DIMT1: variants seen among roughly 807,000 people sequenced by gnomAD.
DIMT1 encodes dimethyladenosine transferase.
A neutral mutation model predicts 43.2 loss-of-function variants in DIMT1; 36 were observed. The observed-to-expected ratio is 0.83, with a 90% confidence interval of 0.64 to 1.10. The LOEUF is 1.10. DIMT1 is among the 50% of genes least tolerant of loss of function. DIMT1 has a pLI of 0.00. For synonymous variants in DIMT1, 126 were observed against 130.3 expected, an observed-to-expected ratio of 0.97 and a Z score of 0.22; for missense variants, 341 against 385.3, an observed-to-expected ratio of 0.88 and a Z score of 0.96.
rs1742129441 is a variant in DIMT1 at position 62,388,246 on chromosome 5, C to G, written c.*764G>C. 1 of 152,162 alleles carries G rather than the reference C, an allele frequency of 6.6e-6. No individual in the cohort carries two copies. Among genetic ancestry groups the G allele is most frequent in the African/African-American group, 2.4e-5 (1 of 41,444 alleles). The allele number at this position is 152,162 out of a possible 1,614,324, so 9.4% of individuals were successfully genotyped here. ...CTGAAGTTGAAACCAGTTTCAATTA[C>G]AAAACCCTCTGAAATTTTGCTAAGC... On this transcript the variant is annotated 3_prime_UTR_variant, in exon 12 of 12. Coordinates refer to ENST00000199320, the MANE Select transcript of DIMT1 (RefSeq NM_014473.4).
chr5:62,403,187 C>A, intron 2 of DIMT1, 86 bp downstream of exon 2: 8 of 1,190,484 alleles, frequency 6.7e-6, no homozygotes, highest in East Asian at 2.4e-5. Flanking sequence ...ATCTAATTTA[C>A]GGCAGGCAGA....
intron 7 of DIMT1, 56 bp from the exon 8 acceptor site, chr5:62,394,103 C>T: frequency 6.7e-7 from 1 of 1,488,710 alleles, no homozygotes; most frequent in African/African-American, 1.4e-5. Flanking sequence ...TATTTAGTAA[C>T]CAGATATGCT....
chr5:62,398,949 C>T, intron 3 of DIMT1, 68 bp from the exon 4 acceptor site: 1 of 1,206,310 alleles, frequency 8.3e-7, no homozygotes. Context: ...GTTATCCCAA[C>T]AGGAACTCTT....
intron 8 of DIMT1, 134 bp downstream of exon 8, chr5:62,393,821 G>C (rs772664619): frequency 1.5e-6 from 1 of 688,644 alleles, no homozygotes; most frequent in Non-Finnish European, 2.3e-6. Context: ...TTCAGCACAG[G>C]GATGTGTCCT....
intron 11 of DIMT1, 24 bp downstream of exon 11, chr5:62,390,852 T>G (rs1355565475): frequency 1.3e-6 from 2 of 1,593,970 alleles, no homozygotes; most frequent in East Asian, 2.2e-5. Context: ...ATGTAAACAC[T>G]TAGGAAAACA....
At chr5:62,393,594 C>T (rs1742378020) in intron 8 of DIMT1, among the ~76,000 whole-genome samples, 1 of 152,194 alleles carries the variant, frequency 6.6e-6, no homozygotes, top group African/African-American at 2.4e-5. Context: ...ACGTTTTTCT[C>T]TAATGTGGCT....
rs779419881 is a variant in DIMT1 at position 62,403,272 on chromosome 5, C to A, written c.153+1G>T. 2 of 1,613,382 alleles carry A rather than the reference C, an allele frequency of 1.2e-6. No individual in the cohort carries two copies. Among genetic ancestry groups the A allele is most frequent in the East Asian group, 4.5e-5 (2 of 44,884 alleles). Reference sequence around the variant, plus strand: ...CTCTCCCTTTCCTCTTCCACACCCACCTTATCGATAATGCTGTTAATAATG... The same window carrying A: ...CTCTCCCTTTCCTCTTCCACACCCAACTTATCGATAATGCTGTTAATAATG... On this transcript the variant is annotated splice_donor_variant, in intron 2 of 11. Transcript: ENST00000199320. LOFTEE classifies it high-confidence loss of function.
chr5:62,402,025 C>T lies in DIMT1; in HGVS notation c.240+11G>A. 6.2e-7 allele frequency: 1 copy of T among 1,612,164 alleles called. No homozygotes were observed. The highest frequency in any genetic ancestry group is 2.2e-5 in the East Asian group (1 of 44,836). ...TCATTTGTGATACCAAACATTAAAT[C>T]CCCTTTCTACCTTTTTTGCCTTTTC... On this transcript the variant is annotated intron_variant, in intron 3 of 11. Coordinates refer to ENST00000199320, the MANE Select transcript of DIMT1 (RefSeq NM_014473.4).
chr5:62,403,472 C>T (rs1167138672), intron 1 of DIMT1, 126 bp from the exon 2 acceptor site: 1 of 1,018,230 alleles, frequency 9.8e-7, no homozygotes, highest in East Asian at 2.5e-5. Context: ...AACGTCACGC[C>T]AGGACTGACA....
intron 6 of DIMT1, among the ~76,000 whole-genome samples, chr5:62,397,607 T>C (rs1242947235): frequency 6.6e-6 from 1 of 152,184 alleles, no homozygotes; most frequent in African/African-American, 2.4e-5. Context: ...AAATGAGTTA[T>C]CCATTAGTAA....
chr5:62,394,463 A>C, intron 7 of DIMT1, 21 bp downstream of exon 7: 1 of 1,613,156 alleles, frequency 6.2e-7, no homozygotes, highest in Non-Finnish European at 8.5e-7. Flanking sequence ...AAAAAAGAGA[A>C]AGAAAACAAA....
Position 62,387,663 on chromosome 5 carries a change from C to T in DIMT1, c.*1347G>A, listed in dbSNP as rs1010472194. 2.0e-5 allele frequency: 3 copies of T among 151,968 alleles called. No individual in the cohort carries two copies. Among genetic ancestry groups the T allele is most frequent in the South Asian group, 2.1e-4 (1 of 4,820 alleles). The allele number at this position is 151,968 out of a possible 1,614,324, so 9.4% of individuals were successfully genotyped here. On this transcript the variant is annotated 3_prime_UTR_variant, in exon 12 of 12. Coordinates refer to ENST00000199320, the MANE Select transcript of DIMT1 (RefSeq NM_014473.4). ...GTAGAGGGAAATAACCTGAGAAAGC[C>T]GAGTTAAATCTTAAAATTTTTACTA...
intron 8 of DIMT1, among the ~76,000 whole-genome samples, chr5:62,393,326 C>G (rs918577821): frequency 3.3e-5 from 5 of 151,720 alleles, no homozygotes; most frequent in African/African-American, 1.2e-4. Context: ...GTGGGAGGAT[C>G]GCTTGAGACC....
chr5:62,403,704 C>G lies in DIMT1; in HGVS notation c.69G>C (p.Lys23Asn). Residue 23 changes from lysine to asparagine, a missense_variant, in exon 1 of 12, where the codon AAG becomes AAC. Coordinates refer to ENST00000199320, the MANE Select transcript of DIMT1 (RefSeq NM_014473.4). The part of the protein sequence containing the change: ...RGRQEQRREL[K>N]SAGGLMFNTG... Reference sequence around the variant, plus strand: ...CGCGGGGATCCGCACCTCCAGCGCTCTTCAGCTCCCGGCGCTGCTCCTGCC... The same window carrying G: ...CGCGGGGATCCGCACCTCCAGCGCTGTTCAGCTCCCGGCGCTGCTCCTGCC... 1 of 1,609,144 alleles carries G rather than the reference C, an allele frequency of 6.2e-7. No individual in the cohort carries two copies.
intron 10 of DIMT1, 37 bp downstream of exon 10, chr5:62,392,130 AAAAC>A (rs756287685): frequency 1.1e-5 from 18 of 1,606,474 alleles, no homozygotes; most frequent in Non-Finnish European, 1.4e-5. Flanking sequence ...ATTTTAAAAG[AAAAC>A]AAATCAATGA....
rs1320756973 is a variant in DIMT1, at chr5:62,387,538, C to T, written c.*1472G>A. On this transcript the variant is annotated 3_prime_UTR_variant, in exon 12 of 12. Coordinates refer to ENST00000199320, the MANE Select transcript of DIMT1 (RefSeq NM_014473.4). ...TGATCAGGTATTTTAAAAATTAGTA[C>T]CAGAAAAGATACTGGAGGTAATATA... 1.3e-5 allele frequency: 2 copies of T among 151,856 alleles called. No homozygotes were observed. The highest frequency in any genetic ancestry group is 2.9e-5 in the Non-Finnish European group (2 of 67,964). 9.4% of individuals were successfully genotyped at this position (151,856 alleles called of 1,614,324 possible).
chr5:62,391,702 G>T, intron 10 of DIMT1: 1 of 1,290,460 alleles, frequency 7.7e-7, no homozygotes. Context: ...TACGCATGAG[G>T]CTCACAACCA....
intron 2 of DIMT1, among the ~76,000 whole-genome samples, chr5:62,402,708 T>C (rs77987177): frequency 4.6e-5 from 7 of 152,332 alleles, no homozygotes; most frequent in East Asian, 1.9e-4. Context: ...CCTTTAACTA[T>C]GTAATGCTCT....
rs1742080418 is a variant in DIMT1 at position 62,387,354 on chromosome 5, T to A, written c.*1656A>T. The A allele has an allele frequency of 6.6e-6, 1 of 152,188 alleles. No individual in the cohort carries two copies. Among genetic ancestry groups the A allele is most frequent in the East Asian group, 1.9e-4 (1 of 5,200 alleles). The allele number at this position is 152,188 out of a possible 1,614,324, so 9.4% of individuals were successfully genotyped here. On this transcript the variant is annotated 3_prime_UTR_variant, in exon 12 of 12. Transcript: ENST00000199320. ...TTAAAAAAAAGGTAGTTTTTGAGAT[T>A]AACCAACTTTCAAAGGGCAATAAAG... is the stretch of plus-strand genomic sequence containing the variant.
Sources: allele counts gnomAD v4.1 joint callset (sites outside exome capture counted in the v4.1 genomes callset), GRCh38; gene constraint gnomAD v4.1.1; transcripts MANE v1.5; gene names NCBI Gene and HGNC (gene_info 2026-07-23, HGNC 2026-07-21).